The following ALK variants were observed in gnomAD, a reference collection of about 807,000 sequenced individuals.
ALK encodes ALK receptor tyrosine kinase.
Under a neutral mutation model 163.1 loss-of-function variants are expected in ALK, and 74 were observed. That is an observed-to-expected ratio of 0.45 (90% CI 0.38 to 0.55). The LOEUF (loss-of-function observed/expected upper bound fraction) is 0.55, where lower values mean the gene tolerates loss of function less well. Ranked by LOEUF, ALK falls within the 20% of genes least tolerant of loss-of-function variation. ALK has a pLI of 0.00. For missense variants in ALK, 2,063 were observed against 2,105.3 expected, an observed-to-expected ratio of 0.98 and a Z score of 0.39; for synonymous variants, 960 against 843.2, an observed-to-expected ratio of 1.14 and a Z score of -2.40.
intron 1 of ALK, among the ~76,000 whole-genome samples, chr2:29,897,288 C>T (rs2148428596): frequency 6.6e-6 from 1 of 151,942 alleles, no homozygotes; most frequent in East Asian, 1.9e-4. Context: ...TTTCAGTGAG[C>T]TGAAATCGTA....
At chr2:29,816,004 G>A (rs530920708) in intron 1 of ALK, among the ~76,000 whole-genome samples, 3 of 152,328 alleles carry the variant, frequency 2.0e-5, no homozygotes, top group South Asian at 2.1e-4. Context: ...CATGGCCAAC[G>A]GCATTTGTGT....
chr2:29,647,775 CTTTTTTTTTTT>C lies in ALK; in HGVS notation c.952+47064_952+47074del, dbSNP rs34620705. ...CCATGCACCACGTTCATGATTTTTT[CTTTTTTTTTTT>C]TTTTTTTTGCCACAGTCACATGCCT... On this transcript the variant is annotated intron_variant, in intron 3 of 28. Transcript: ENST00000389048. 6.1e-3 allele frequency among the ~76,000 whole-genome samples: 711 copies of C among 117,212 alleles called. 9 individuals carry two copies. Among genetic ancestry groups the C allele is most frequent in the African/African-American group, 0.021 (618 of 28,820 alleles). The allele number at this position is 117,212 out of a possible 152,430, so 76.9% of individuals were successfully genotyped here.
chr2:29,705,494 C>T (rs1427187640), intron 2 of ALK, among the ~76,000 whole-genome samples: 1 of 151,480 alleles, frequency 6.6e-6, no homozygotes, highest in African/African-American at 2.4e-5. Flanking sequence ...GAGAAGCAGG[C>T]TAGAACAGAC....
chr2:29,653,442 C>A (rs572703597), intron 3 of ALK, among the ~76,000 whole-genome samples: 1 of 152,160 alleles, frequency 6.6e-6, no homozygotes, highest in Non-Finnish European at 1.5e-5. Context: ...AAGCTCCTCA[C>A]TGAGAAACTG....
At position 29,603,380 on chromosome 2, in the gene ALK, C is replaced by A. The variant is rs549501922; in HGVS notation, c.953-71264G>T. ...CAGAAATATATTTTGGGGTAAAATA[C>A]TTGGATTTCTTTCAGGGCCTGCTCT... On this transcript the variant is annotated intron_variant, in intron 3 of 28. Transcript: ENST00000389048. Among the ~76,000 whole-genome samples, 118 of 152,270 alleles carry A rather than the reference C, an allele frequency of 7.7e-4. 1 individual carries two copies. The highest frequency in any genetic ancestry group is 2.7e-3 in the African/African-American group (114 of 41,544).
intron 8 of ALK, among the ~76,000 whole-genome samples, chr2:29,306,763 A>C (rs917884877): frequency 2.0e-5 from 3 of 152,212 alleles, no homozygotes; most frequent in Non-Finnish European, 4.4e-5. Flanking sequence ...GTAACAATAA[A>C]ATTTTTGATC....
intron 3 of ALK, among the ~76,000 whole-genome samples, chr2:29,599,732 T>C (rs1675323001): frequency 1.3e-5 from 2 of 152,220 alleles, no homozygotes; most frequent in South Asian, 2.1e-4. Context: ...AAAGAGTTAA[T>C]AGATATATAT....
intron 5 of ALK, among the ~76,000 whole-genome samples, chr2:29,331,104 C>T (rs1667425631): frequency 6.6e-6 from 1 of 152,162 alleles, no homozygotes; most frequent in South Asian, 2.1e-4. Context: ...ATCCACTTCT[C>T]AGTGCTCTAA....
intron 2 of ALK, among the ~76,000 whole-genome samples, chr2:29,712,609 T>C (rs1679133624): frequency 6.7e-6 from 1 of 149,638 alleles, no homozygotes; most frequent in Admixed American, 6.6e-5. Flanking sequence ...TGATTCTGTG[T>C]TAGGCTGATT....
intron 1 of ALK, among the ~76,000 whole-genome samples, chr2:29,819,918 G>T (rs934025253): frequency 6.6e-6 from 1 of 152,182 alleles, no homozygotes. Context: ...CAATGCAGGT[G>T]AGGAACAGGC....
chr2:29,810,732 G>A (rs1315277040), intron 1 of ALK, among the ~76,000 whole-genome samples: 1 of 152,136 alleles, frequency 6.6e-6, no homozygotes, highest in Non-Finnish European at 1.5e-5. Flanking sequence ...CTTATATTAA[G>A]AATATATACA....
chr2:29,306,131 C>T (rs1666503320), intron 8 of ALK, among the ~76,000 whole-genome samples: 1 of 152,298 alleles, frequency 6.6e-6, no homozygotes, highest in East Asian at 1.9e-4. Flanking sequence ...GATATGAAGT[C>T]ATTTGTTAAT....
At chr2:29,631,709 T>C (rs1676380996) in intron 3 of ALK, among the ~76,000 whole-genome samples, 1 of 152,230 alleles carries the variant, frequency 6.6e-6, no homozygotes, top group African/African-American at 2.4e-5. Context: ...AAGCTGTAAA[T>C]CAGATTTGCA....
In ALK at chr2:29,773,564, T is replaced by C. The variant is rs564506940; in HGVS notation, c.668-55867A>G. Among the ~76,000 whole-genome samples the C allele has an allele frequency of 1.2e-4, 19 of 152,346 alleles. No individual in the cohort carries two copies. The South Asian group carries it at 3.7e-3, about 30-fold the overall frequency. The stretch of plus-strand genomic sequence containing the variant: ...ACCGCAAAGGGCAAAACTCATTAGA[T>C]AATGATGAGTTTCTTTAGCATAAAG... On this transcript the variant is annotated intron_variant, in intron 1 of 28. Transcript: ENST00000389048.
At chr2:29,397,721 C>T (rs1156604148) in intron 4 of ALK, among the ~76,000 whole-genome samples, 1 of 152,202 alleles carries the variant, frequency 6.6e-6, no homozygotes, top group Non-Finnish European at 1.5e-5. Flanking sequence ...CATTTTTCTA[C>T]ACGTTTACCT....
intron 4 of ALK, among the ~76,000 whole-genome samples, chr2:29,518,871 T>C (rs1478526899): frequency 2.6e-5 from 4 of 152,204 alleles, no homozygotes; most frequent in Non-Finnish European, 5.9e-5. Context: ...GGAACTATCA[T>C]GTGTTGGGTG....
chr2:29,488,041 C>T (rs561085792), intron 4 of ALK, among the ~76,000 whole-genome samples: 1 of 152,196 alleles, frequency 6.6e-6, no homozygotes, highest in East Asian at 1.9e-4. Context: ...CACGTGCACA[C>T]AGAAAAGCAC....
intron 26 of ALK, among the ~76,000 whole-genome samples, chr2:29,203,776 G>A (rs1047353224): frequency 3.3e-5 from 5 of 151,764 alleles, no homozygotes; most frequent in Admixed American, 2.6e-4. Flanking sequence ...GAGCCACTGC[G>A]CCCGGCCGAG....
intron 3 of ALK, among the ~76,000 whole-genome samples, chr2:29,544,873 T>C (rs1360027701): frequency 2.6e-5 from 4 of 152,120 alleles, no homozygotes; most frequent in Non-Finnish European, 5.9e-5. Flanking sequence ...TAATCGCTTG[T>C]TGTACTGGGG....
Sources: allele counts gnomAD v4.1 joint callset (sites outside exome capture counted in the v4.1 genomes callset), GRCh38; gene constraint gnomAD v4.1.1; transcripts MANE v1.5; gene names NCBI Gene and HGNC (gene_info 2026-07-23, HGNC 2026-07-21).